MYT1L: variants seen among roughly 807,000 people sequenced by gnomAD.
The protein encoded by MYT1L is myelin transcription factor 1 like.
In MYT1L, 12 loss-of-function variants were observed where a neutral mutation model predicts 126.7. The observed-to-expected ratio is 0.09, with a 90% CI of 0.06 to 0.15. The LOEUF (loss-of-function observed/expected upper bound fraction) is 0.15, where lower values mean the gene tolerates loss of function less well. Among genes scored for constraint, MYT1L ranks in the 10% least tolerant of loss-of-function variants. The pLI, the probability that MYT1L is intolerant of heterozygous loss-of-function variation, is 1.00. For synonymous variants in MYT1L, 541 were observed against 604.2 expected (o/e 0.90, Z 1.53); for missense variants, 979 against 1,585.2 (o/e 0.62, Z 6.49).
chr2:1,837,009 A>C (rs932344264), intron 21 of MYT1L, among the ~76,000 whole-genome samples: 4 of 152,198 alleles, frequency 2.6e-5, no homozygotes, highest in Non-Finnish European at 5.9e-5. Flanking sequence ...CTAGCAGCAG[A>C]AATTTGTGCC....
intron 21 of MYT1L, among the ~76,000 whole-genome samples, chr2:1,812,243 T>C (rs2036780749): frequency 6.6e-6 from 1 of 152,200 alleles, no homozygotes; most frequent in Non-Finnish European, 1.5e-5. Context: ...TGGAACTGGC[T>C]AGGAAAGACT....
At chr2:1,945,110 G>A (rs2057079755) in intron 8 of MYT1L, among the ~76,000 whole-genome samples, 1 of 152,180 alleles carries the variant, frequency 6.6e-6, no homozygotes, top group South Asian at 2.1e-4. Context: ...CCAAAGGCTG[G>A]AGCATAGAGC....
intron 3 of MYT1L, among the ~76,000 whole-genome samples, chr2:2,073,959 A>G (rs939789390): frequency 2.0e-5 from 3 of 152,120 alleles, no homozygotes; most frequent in Non-Finnish European, 4.4e-5. Flanking sequence ...TTCTGCAGGA[A>G]TTGCCCGTCT....
At chr2:1,864,758 G>A (rs1337019574) in intron 18 of MYT1L, among the ~76,000 whole-genome samples, 1 of 152,182 alleles carries the variant, frequency 6.6e-6, no homozygotes, top group African/African-American at 2.4e-5. Flanking sequence ...GAGGTTCTTG[G>A]CCCCTGCTTG....
chr2:2,186,641 T>C lies in MYT1L; in HGVS notation c.-420-13653A>G, dbSNP rs562516091. ...CCATCCCATGTCCCGCCACTCCCTC[T>C]AGTAAATAAGGATCCTTGGGTTTTT... On this transcript the variant is annotated intron_variant, in intron 2 of 24. Transcript: ENST00000647738. Among the ~76,000 whole-genome samples the C allele has an allele frequency of 5.9e-5, 9 of 152,286 alleles. No individual in the cohort carries two copies. The East Asian group carries it at 1.7e-3, about 29-fold the overall frequency.
At chr2:2,245,009 C>G (rs1226601190) in intron 2 of MYT1L, among the ~76,000 whole-genome samples, 1 of 152,210 alleles carries the variant, frequency 6.6e-6, no homozygotes, top group Non-Finnish European at 1.5e-5. Context: ...GAAGCATACT[C>G]AACAGGAATG....
At chr2:2,218,056 G>A (rs1294528961) in intron 2 of MYT1L, among the ~76,000 whole-genome samples, 1 of 152,120 alleles carries the variant, frequency 6.6e-6, no homozygotes, top group East Asian at 1.9e-4. Context: ...ATAATAAAAA[G>A]ACCAACCACA....
At chr2:1,792,190 T>A in intron 24 of MYT1L, 131 bp downstream of exon 24, 1 of 1,320,468 alleles carries the variant, frequency 7.6e-7, no homozygotes, top group Non-Finnish European at 1.0e-6. Context: ...AATGGTATGG[T>A]TTCGGGGTGG....
intron 3 of MYT1L, among the ~76,000 whole-genome samples, chr2:2,097,850 T>G (rs2150441684): frequency 6.6e-6 from 1 of 152,260 alleles, no homozygotes; most frequent in East Asian, 1.9e-4. Flanking sequence ...AGGTGATGCC[T>G]GGTGGGAGGT....
chr2:1,838,105 G>T (rs960107664), intron 21 of MYT1L, among the ~76,000 whole-genome samples: 2 of 151,928 alleles, frequency 1.3e-5, no homozygotes, highest in African/African-American at 4.8e-5. Context: ...GCAGAGATGG[G>T]GTTTCACCAT....
intron 2 of MYT1L, among the ~76,000 whole-genome samples, chr2:2,182,775 C>T (rs1233153493): frequency 1.3e-5 from 2 of 152,174 alleles, no homozygotes; most frequent in African/African-American, 4.8e-5. Flanking sequence ...CTACCAAACA[C>T]CACCAAAGAG....
At chr2:2,236,131 TCCCAA>T in intron 2 of MYT1L, among the ~76,000 whole-genome samples, 1 of 144,592 alleles carries the variant, frequency 6.9e-6, no homozygotes, top group Admixed American at 6.9e-5. Flanking sequence ...ACCCAGTACA[TCCCAA>T]CCCAACCCAG....
Position 1,932,409 on chromosome 2 carries a change from C to A in MYT1L, c.506-9146G>T, listed in dbSNP as rs557295933. Among the ~76,000 whole-genome samples, 7 of 152,280 alleles carry A rather than the reference C, an allele frequency of 4.6e-5. 1 individual carries two copies. In the South Asian group the frequency reaches 1.5e-3, roughly 32 times the overall value. On this transcript the variant is annotated intron_variant, in intron 9 of 24. Coordinates refer to ENST00000647738, the MANE Select transcript of MYT1L (RefSeq NM_001303052.2). Reference sequence around the variant, plus strand: ...CACAATTTTGCACAACCAAGCTCTGCTGGGCATGGCACTGGGGGGAGGAGG... The same window carrying A: ...CACAATTTTGCACAACCAAGCTCTGATGGGCATGGCACTGGGGGGAGGAGG...
chr2:1,974,813 G>A (rs1354733202), intron 8 of MYT1L: 1 of 152,090 alleles, frequency 6.6e-6, no homozygotes, highest in Non-Finnish European at 1.5e-5. Flanking sequence ...GATGTATCCT[G>A]AGTTTTCAGT....
intron 1 of MYT1L, among the ~76,000 whole-genome samples, chr2:2,316,281 T>C (rs1440109204): frequency 1.3e-5 from 2 of 152,220 alleles, no homozygotes; most frequent in African/African-American, 4.8e-5. Flanking sequence ...GAACATGCCA[T>C]CGGCTACCAT....
chr2:2,139,230 G>T (rs943337093), intron 3 of MYT1L, among the ~76,000 whole-genome samples: 4 of 152,224 alleles, frequency 2.6e-5, no homozygotes, highest in African/African-American at 9.6e-5. Context: ...AAGGGGAGAC[G>T]TGGTCTCCAG....
At chr2:1,797,114 C>T (rs1364788022) in intron 23 of MYT1L, among the ~76,000 whole-genome samples, 5 of 148,352 alleles carry the variant, frequency 3.4e-5, no homozygotes, top group Non-Finnish European at 6.0e-5. Context: ...TGCTTCAGCC[C>T]TTGAAGCTGA....
At chr2:2,013,370 T>G (rs557175543) in intron 4 of MYT1L, among the ~76,000 whole-genome samples, 1 of 152,202 alleles carries the variant, frequency 6.6e-6, no homozygotes, top group South Asian at 2.1e-4. Flanking sequence ...AGCAATGGTG[T>G]CTGTGGGGCC....
chr2:2,034,163 C>G (rs2066741580), intron 4 of MYT1L, among the ~76,000 whole-genome samples: 1 of 152,280 alleles, frequency 6.6e-6, no homozygotes, highest in South Asian at 2.1e-4. Context: ...GGGAAAGGAG[C>G]TAAGCAGAAA....
Sources: gnomAD v4.1 joint callset for allele counts (sites outside exome capture counted in the v4.1 genomes callset) on GRCh38, gnomAD v4.1.1 for gene constraint, MANE v1.5 for transcripts, NCBI Gene and HGNC (gene_info 2026-07-23, HGNC 2026-07-21) for gene names.